SCAI: variants seen among roughly 807,000 people sequenced by gnomAD.
SCAI encodes protein SCAI.
Under a neutral mutation model 92.2 loss-of-function variants are expected in SCAI, and 24 were observed. The observed-to-expected ratio is 0.26, with a 90% CI of 0.19 to 0.37. SCAI has a LOEUF of 0.37. Among genes scored for constraint, SCAI ranks in the 10% least tolerant of loss-of-function variants. The pLI, the probability that SCAI is intolerant of heterozygous loss-of-function variation, is 1.00. For synonymous variants in SCAI, 261 were observed against 258.6 expected (o/e 1.01, Z -0.09); for missense variants, 450 against 736.2 (o/e 0.61, Z 4.50).
chr9:125,006,064 T>A (rs947175937), intron 9 of SCAI, among the ~76,000 whole-genome samples: 51 of 152,198 alleles, frequency 3.4e-4, no homozygotes, highest in African/African-American at 1.2e-3. Context: ...GCAATGCAGA[T>A]CTTCGTTGGA....
intron 3 of SCAI, among the ~76,000 whole-genome samples, chr9:125,034,991 C>T (rs1833162899): frequency 6.6e-6 from 1 of 152,162 alleles, no homozygotes; most frequent in Non-Finnish European, 1.5e-5. Flanking sequence ...ATGATTATAG[C>T]ATGGTAAATA....
chr9:125,014,497 G>T (rs1270544242), intron 9 of SCAI, among the ~76,000 whole-genome samples: 1 of 152,076 alleles, frequency 6.6e-6, no homozygotes, highest in African/African-American at 2.4e-5. Context: ...CCTCTTCAAG[G>T]AGAACTACAA....
chr9:125,092,042 A>G (rs1834438288), intron 2 of SCAI, among the ~76,000 whole-genome samples: 1 of 148,424 alleles, frequency 6.7e-6, no homozygotes, highest in Non-Finnish European at 1.5e-5. Flanking sequence ...AGGCAGGAGA[A>G]TGGCGTGAAC....
chr9:125,079,591 T>C (rs1017868099), intron 2 of SCAI, among the ~76,000 whole-genome samples: 8 of 152,284 alleles, frequency 5.3e-5, no homozygotes, highest in African/African-American at 1.9e-4. Flanking sequence ...TGGTTTTTTT[T>C]TAACCTACCT....
chr9:125,129,188 C>T (rs1402687016), intron 2 of SCAI, among the ~76,000 whole-genome samples: 1 of 151,926 alleles, frequency 6.6e-6, no homozygotes, highest in Non-Finnish European at 1.5e-5. Flanking sequence ...CGCCTGTAAT[C>T]CTAGCACTTT....
intron 14 of SCAI, among the ~76,000 whole-genome samples, chr9:124,989,179 G>C (rs1418356482): frequency 6.6e-6 from 1 of 152,062 alleles, no homozygotes; most frequent in Non-Finnish European, 1.5e-5. Flanking sequence ...AAACGATATT[G>C]AGAAACTGAA....
chr9:125,011,907 C>A (rs1832648953), intron 9 of SCAI, among the ~76,000 whole-genome samples: 2 of 152,114 alleles, frequency 1.3e-5, no homozygotes, highest in African/African-American at 4.8e-5. Context: ...ATTTTCAACC[C>A]AGAATTTCAT....
chr9:124,958,461 G>C (rs1219234229), intron 17 of SCAI, among the ~76,000 whole-genome samples: 1 of 151,826 alleles, frequency 6.6e-6, no homozygotes, highest in Non-Finnish European at 1.5e-5. Context: ...TAACTCAATG[G>C]GAAAAGAAAA....
chr9:125,138,559 C>A (rs780222492), intron 2 of SCAI, among the ~76,000 whole-genome samples: 1 of 152,132 alleles, frequency 6.6e-6, no homozygotes, highest in Non-Finnish European at 1.5e-5. Context: ...GGACTACAGG[C>A]ACCTGCCACC....
chr9:125,003,125 C>T lies in SCAI; in HGVS notation c.1054G>A (p.Ala352Thr). ...TGGATCACACATACCTTAAAAGACG[C>T]TGCTAAGAAGGTATATAGCTGGCTG... The part of the protein sequence containing the change: ...TFSQLYTFLA[A>T]SFKELPANSV... Residue 352 changes from alanine to threonine, a missense_variant, in exon 11 of 18, where the codon GCG (alanine) becomes ACG (threonine). Physicochemically the swap from Ala to Thr is moderately conservative, Grantham distance 58. This residue lies in a region of SCAI where 360 missense variants were observed against 601.8 expected (regional missense o/e 0.60). Coordinates refer to ENST00000336505, the MANE Select transcript of SCAI (RefSeq NM_001144877.3). The T allele has an allele frequency of 1.9e-6, 3 of 1,611,522 alleles. No individual in the cohort carries two copies. The highest frequency in any genetic ancestry group is 2.5e-6 in the Non-Finnish European group (3 of 1,177,666).
chr9:124,983,504 C>T (rs1034650914), intron 14 of SCAI, among the ~76,000 whole-genome samples: 4 of 152,190 alleles, frequency 2.6e-5, no homozygotes, highest in African/African-American at 7.2e-5. Flanking sequence ...AGGCATGTGC[C>T]ACCACACCCG....
intron 17 of SCAI, among the ~76,000 whole-genome samples, chr9:124,955,009 T>C (rs555122019): frequency 3.6e-4 from 54 of 151,842 alleles, no homozygotes; most frequent in African/African-American, 1.3e-3. Context: ...CTACTAAAAA[T>C]ACAAAAAATT....
intron 2 of SCAI, among the ~76,000 whole-genome samples, chr9:125,072,244 G>T (rs146739968): frequency 0.018 from 2,672 of 152,180 alleles, 87 homozygotes; most frequent in African/African-American, 0.061. Context: ...GGATGGTCTC[G>T]ATCTCCTGAC....
At chr9:125,000,444 G>A (rs185899898) in intron 12 of SCAI, among the ~76,000 whole-genome samples, 2 of 152,202 alleles carry the variant, frequency 1.3e-5, no homozygotes, top group South Asian at 2.1e-4. Flanking sequence ...GAGGCCAGGA[G>A]TTCCAGACCA....
chr9:125,080,362 T>C (rs1364859503), intron 2 of SCAI, among the ~76,000 whole-genome samples: 1 of 152,192 alleles, frequency 6.6e-6, no homozygotes, highest in Non-Finnish European at 1.5e-5. Flanking sequence ...ACAAATATTG[T>C]GAAATAGGGT....
intron 2 of SCAI, among the ~76,000 whole-genome samples, chr9:125,070,802 G>A (rs1020342803): frequency 6.6e-6 from 1 of 152,150 alleles, no homozygotes; most frequent in African/African-American, 2.4e-5. Flanking sequence ...CCCAAGGTAG[G>A]AGGAACACTT....
intron 2 of SCAI, among the ~76,000 whole-genome samples, chr9:125,069,344 G>T (rs1564400691): frequency 6.6e-6 from 1 of 150,948 alleles, no homozygotes; most frequent in African/African-American, 2.4e-5. Flanking sequence ...TTGAGACGGA[G>T]TCTTGCTCTG....
chr9:124,946,157 TCTA>T lies in SCAI; in HGVS notation c.*6647_*6649del, dbSNP rs1166277669. 6.6e-6 allele frequency: 1 copy of T among 152,216 alleles called. No homozygotes were observed. Among genetic ancestry groups the T allele is most frequent in the Admixed American group, 6.5e-5 (1 of 15,276 alleles). 9.4% of individuals were successfully genotyped at this position (152,216 alleles called of 1,614,324 possible). The stretch of plus-strand genomic sequence containing the variant: ...GAATTTTAAATGGTATAATATCTGC[TCTA>T]CTACTCTCCAGTGCAAAAACAATGA... On this transcript the variant is annotated 3_prime_UTR_variant, in exon 18 of 18. Coordinates refer to ENST00000336505, the MANE Select transcript of SCAI (RefSeq NM_001144877.3). The surrounding 1 kb of genome is among the most constrained non-coding windows in gnomAD (Gnocchi z 4.0).
chr9:125,032,616 CTTTT>C (rs35384919), intron 3 of SCAI, among the ~76,000 whole-genome samples: 1 of 131,016 alleles, frequency 7.6e-6, no homozygotes. Flanking sequence ...TAATATTATG[CTTTT>C]TTTTTTTTTT....
Sources: gnomAD v4.1 joint callset for allele counts (sites outside exome capture counted in the v4.1 genomes callset) on GRCh38, gnomAD v4.1.1 for gene constraint, gnomAD v4.1.1 regional missense constraint, Gnocchi (gnomAD v3.1) non-coding constraint, MANE v1.5 for transcripts, NCBI Gene and HGNC (gene_info 2026-07-23, HGNC 2026-07-21) for gene names.